ROBO1: variants seen among roughly 807,000 people sequenced by gnomAD.
The protein encoded by ROBO1 is roundabout guidance receptor 1.
In ROBO1, 149 loss-of-function variants were observed where a neutral mutation model predicts 195.9. The ratio of observed to expected loss-of-function variants is 0.76; its 90% CI spans 0.67 to 0.87. The LOEUF is 0.87. ROBO1 is among the 40% of genes least tolerant of loss of function. The pLI is 0.00. For synonymous variants in ROBO1, 816 were observed against 733.2 expected, an observed-to-expected ratio of 1.11 and a Z score of -1.82; for missense variants, 1,933 against 2,068.3, an observed-to-expected ratio of 0.93 and a Z score of 1.27.
intron 2 of ROBO1, among the ~76,000 whole-genome samples, chr3:79,491,600 G>T (rs1489473721): frequency 1.3e-5 from 2 of 152,098 alleles, no homozygotes; most frequent in East Asian, 3.9e-4. Flanking sequence ...CCAAAAATTT[G>T]ATTAAACTGC....
intron 1 of ROBO1, among the ~76,000 whole-genome samples, chr3:79,625,190 A>G (rs1945129474): frequency 6.6e-6 from 1 of 152,002 alleles, no homozygotes; most frequent in African/African-American, 2.4e-5. Flanking sequence ...TCTGGTACAC[A>G]GTTAATGCAG....
At chr3:79,399,550 A>AT (rs1457753149) in intron 2 of ROBO1, among the ~76,000 whole-genome samples, 1 of 152,132 alleles carries the variant, frequency 6.6e-6, no homozygotes, top group Non-Finnish European at 1.5e-5. Flanking sequence ...ATATATACTG[A>AT]TTAAGCCTGT....
intron 1 of ROBO1, among the ~76,000 whole-genome samples, chr3:79,762,315 C>T (rs545001956): frequency 6.6e-6 from 1 of 152,150 alleles, no homozygotes; most frequent in South Asian, 2.1e-4. Context: ...TTCCTGAGGG[C>T]TCTGCTTTCA....
chr3:79,369,902 G>A (rs2036126686), intron 2 of ROBO1, among the ~76,000 whole-genome samples: 3 of 152,058 alleles, frequency 2.0e-5, no homozygotes, highest in African/African-American at 7.2e-5. Context: ...TTGAAAGTCT[G>A]ACAAAAATAT....
chr3:79,016,726 C>T (rs1386228311), intron 3 of ROBO1, among the ~76,000 whole-genome samples: 1 of 152,058 alleles, frequency 6.6e-6, no homozygotes, highest in African/African-American at 2.4e-5. Flanking sequence ...ACCATTAATC[C>T]CCCTATCTTC....
At chr3:79,743,700 A>G (rs1237127369) in intron 1 of ROBO1, among the ~76,000 whole-genome samples, 1 of 152,194 alleles carries the variant, frequency 6.6e-6, no homozygotes, top group Non-Finnish European at 1.5e-5. Context: ...TTCTGTATAT[A>G]TCCTTAGTTT....
intron 2 of ROBO1, among the ~76,000 whole-genome samples, chr3:79,466,413 A>T (rs1937961422): frequency 6.6e-6 from 1 of 152,208 alleles, no homozygotes; most frequent in African/African-American, 2.4e-5. Flanking sequence ...GAAGCCTAGA[A>T]GGATTGTCCC....
rs111336484 is a variant in ROBO1, at chr3:78,988,877, A to C, written c.173-49950T>G. Among the ~76,000 whole-genome samples the C allele has an allele frequency of 7.1e-3, 1,087 of 152,306 alleles. 11 individuals carry two copies. The highest frequency in any genetic ancestry group is 0.022 in the African/African-American group (929 of 41,572). On this transcript the variant is annotated intron_variant, in intron 3 of 30. Coordinates refer to ENST00000464233, the MANE Select transcript of ROBO1 (RefSeq NM_002941.4). ...GAAAGATCACATATCACATACCTTG[A>C]GTTATGAGGAATGTGATATACATTG...
intron 4 of ROBO1, among the ~76,000 whole-genome samples, chr3:78,756,696 T>C (rs772337417): frequency 2.7e-4 from 41 of 152,108 alleles, no homozygotes; most frequent in Non-Finnish European, 5.1e-4. Context: ...CTTTGTTTAA[T>C]TGAAATTTTA....
chr3:79,698,357 T>TA (rs1415054521), intron 1 of ROBO1, among the ~76,000 whole-genome samples: 1 of 151,428 alleles, frequency 6.6e-6, no homozygotes, highest in African/African-American at 2.4e-5. Context: ...TATTATTGGT[T>TA]AAAAAACAAT....
intron 2 of ROBO1, among the ~76,000 whole-genome samples, chr3:79,522,647 T>C (rs1941257462): frequency 6.6e-6 from 1 of 152,124 alleles, no homozygotes; most frequent in African/African-American, 2.4e-5. Flanking sequence ...ATAAACCCCT[T>C]TTGGAAGGAG....
At chr3:78,727,352 C>A (rs1333580475) in intron 5 of ROBO1, among the ~76,000 whole-genome samples, 2 of 152,130 alleles carry the variant, frequency 1.3e-5, no homozygotes, top group Non-Finnish European at 2.9e-5. Context: ...CTCGGCCGGG[C>A]GCGGTGGCTC....
At chr3:79,251,244 T>C (rs1193469152) in intron 2 of ROBO1, among the ~76,000 whole-genome samples, 2 of 152,176 alleles carry the variant, frequency 1.3e-5, no homozygotes, top group Admixed American at 6.5e-5. Flanking sequence ...CAACACATTA[T>C]TATCTTCAGA....
At chr3:79,193,370 T>A (rs1047060902) in intron 2 of ROBO1, among the ~76,000 whole-genome samples, 2 of 151,558 alleles carry the variant, frequency 1.3e-5, no homozygotes, top group Non-Finnish European at 3.0e-5. Flanking sequence ...TATTTAATGG[T>A]CAAAATGACC....
chr3:78,631,279 T>C lies in ROBO1; in HGVS notation c.3508A>G (p.Arg1170Gly). The C allele has an allele frequency of 6.2e-7, 1 of 1,613,402 alleles. No homozygotes were observed. The highest frequency in any genetic ancestry group is 8.5e-7 in the Non-Finnish European group (1 of 1,179,570). The part of the protein sequence containing the change: ...SGSQGHKKGA[R>G]TPKVPKQGGM... ...CCCTGTTTTGGTACCTTGGGTGTTC[T>C]TGCCCCTTTCTTGTGCCCCTGACTC... Residue 1170 changes from arginine (R) to glycine (G), a missense_variant, in exon 25 of 31, where the codon AGA becomes GGA. Physicochemically the swap from Arg to Gly is moderately radical, Grantham distance 125. This residue lies in a region of ROBO1 where 1,737 missense variants were observed against 1,882.5 expected (regional missense o/e 0.92). Coordinates refer to ENST00000464233, the MANE Select transcript of ROBO1 (RefSeq NM_002941.4).
chr3:79,334,890 G>A (rs2034602026), intron 2 of ROBO1, among the ~76,000 whole-genome samples: 2 of 152,046 alleles, frequency 1.3e-5, no homozygotes, highest in African/African-American at 2.4e-5. Flanking sequence ...CAGATCACCT[G>A]AGGCCAGGAG....
At chr3:78,984,322 G>C (rs2108009584) in intron 3 of ROBO1, among the ~76,000 whole-genome samples, 1 of 152,264 alleles carries the variant, frequency 6.6e-6, no homozygotes, top group East Asian at 1.9e-4. Context: ...GTTATTTCAT[G>C]AGATGAAGAA....
intron 22 of ROBO1, among the ~76,000 whole-genome samples, chr3:78,638,018 T>C (rs565464253): frequency 6.6e-6 from 1 of 152,036 alleles, no homozygotes; most frequent in African/African-American, 2.4e-5. Context: ...AAGAAATCTT[T>C]GGTAATTTTT....
At chr3:79,751,779 C>T (rs908724988) in intron 1 of ROBO1, among the ~76,000 whole-genome samples, 46 of 152,228 alleles carry the variant, frequency 3.0e-4, no homozygotes, top group Admixed American at 2.7e-3. Context: ...ATTTTCTTTA[C>T]TCATAGGATC....
Sources: allele counts gnomAD v4.1 joint callset (sites outside exome capture counted in the v4.1 genomes callset), GRCh38; gene constraint gnomAD v4.1.1; regional missense constraint gnomAD v4.1.1; transcripts MANE v1.5; gene names NCBI Gene and HGNC (gene_info 2026-07-23, HGNC 2026-07-21).